ZNF563: variants seen among roughly 807,000 people sequenced by gnomAD.
The protein encoded by ZNF563 is zinc finger protein 563.
Under a neutral mutation model 48.5 loss-of-function variants are expected in ZNF563, and 39 were observed. That is an observed-to-expected ratio of 0.80 (90% CI 0.62 to 1.05). The LOEUF is 1.05. ZNF563 is among the 50% of genes least tolerant of loss of function. The pLI is 0.00. For missense variants in ZNF563, 538 were observed against 597.0 expected, an observed-to-expected ratio of 0.90 and a Z score of 1.03; for synonymous variants, 168 against 187.9, an observed-to-expected ratio of 0.89 and a Z score of 0.87.
chr19:12,322,086 C>T (rs979563520), intron 2 of ZNF563, among the ~76,000 whole-genome samples: 4 of 151,816 alleles, frequency 2.6e-5, no homozygotes, highest in Non-Finnish European at 5.9e-5. Context: ...GACAGATTCT[C>T]GCTCTGTCAC....
chr19:12,334,328 A>G (rs906264245), upstream of ZNF563, among the ~76,000 whole-genome samples: 47 of 152,212 alleles, frequency 3.1e-4, no homozygotes, highest in Admixed American at 2.5e-3. Flanking sequence ...TAGTGCAGAT[A>G]AGCAGCCTGC....
chr19:12,342,764 T>A, the ZNF563 span, among the ~76,000 whole-genome samples: 2 of 139,906 alleles, frequency 1.4e-5, no homozygotes. Flanking sequence ...TAGAGTGAGA[T>A]CATGTCTCAA....
chr19:12,344,496 A>G, the ZNF563 span, among the ~76,000 whole-genome samples: 1 of 152,228 alleles, frequency 6.6e-6, no homozygotes, highest in Admixed American at 6.5e-5. Flanking sequence ...ATACAGAAAA[A>G]TAATTTGACA....
intron 1 of ZNF563, among the ~76,000 whole-genome samples, chr19:12,324,470 C>A (rs1032771475): frequency 6.6e-6 from 1 of 152,150 alleles, no homozygotes; most frequent in Non-Finnish European, 1.5e-5. Context: ...GTAATCCCAG[C>A]ACTTTGGGTG....
chr19:12,344,664 G>T, the ZNF563 span, among the ~76,000 whole-genome samples: 3 of 152,072 alleles, frequency 2.0e-5, no homozygotes, highest in African/African-American at 7.2e-5. Context: ...AAGAAGACAG[G>T]ATGCCCACTT....
At chr19:12,338,959 T>C in the ZNF563 span, among the ~76,000 whole-genome samples, 2 of 152,180 alleles carry the variant, frequency 1.3e-5, no homozygotes, top group African/African-American at 4.8e-5. Flanking sequence ...ATTGTGGCCA[T>C]TTCAACATTC....
chr19:12,337,179 ACCCCTTACCACAAC>A (rs1568481332), upstream of ZNF563, among the ~76,000 whole-genome samples: 1 of 151,832 alleles, frequency 6.6e-6, no homozygotes, highest in African/African-American at 2.4e-5. Flanking sequence ...TATTAATGTC[ACCCCTTACCACAAC>A]AGTTAGCTTA....
At chr19:12,346,341 A>G in the ZNF563 span, 3 of 152,232 alleles carry the variant, frequency 2.0e-5, no homozygotes, top group Admixed American at 1.3e-4. Context: ...ACAAAAACCA[A>G]TGTGCATTAT....
chr19:12,318,819 A>C lies in ZNF563; in HGVS notation c.1206T>G (p.Phe402Leu). ...GTCTTTGACATACACTAGGATAAACAAAAGCTTTCCCACATATCTTGCATT... is the reference window on the plus strand; with the variant it reads ...GTCTTTGACATACACTAGGATAAACCAAAGCTTTCCCACATATCTTGCATT... ...PHKCKICGKA[F>L]VYPSVCQRHE... Residue 402 changes from phenylalanine (F) to leucine (L), a missense_variant, in exon 4 of 4, where the codon TTT becomes TTG. Physicochemically the swap from Phe to Leu is conservative, Grantham distance 22. Coordinates refer to ENST00000293725, the MANE Select transcript of ZNF563 (RefSeq NM_145276.3). 6.2e-7 allele frequency: 1 copy of C among 1,614,154 alleles called. No individual in the cohort carries two copies. Among genetic ancestry groups the C allele is most frequent in the Non-Finnish European group, 8.5e-7 (1 of 1,180,028 alleles).
At chr19:12,343,662 A>C in the ZNF563 span, among the ~76,000 whole-genome samples, 1 of 152,136 alleles carries the variant, frequency 6.6e-6, no homozygotes, top group Non-Finnish European at 1.5e-5. Context: ...AAAGGCAAGA[A>C]AAGACATTAC....
intron 2 of ZNF563, among the ~76,000 whole-genome samples, chr19:12,321,869 T>C (rs1309030207): frequency 1.8e-4 from 27 of 152,188 alleles, no homozygotes; most frequent in Admixed American, 1.8e-3. Context: ...GCCTTCTCAA[T>C]GTAAAGATAA....
chr19:12,345,195 G>A, the ZNF563 span, among the ~76,000 whole-genome samples: 1 of 152,118 alleles, frequency 6.6e-6, no homozygotes, highest in African/African-American at 2.4e-5. Context: ...GATCCCTATA[G>A]AAATCCTAAC....
intron 1 of ZNF563, among the ~76,000 whole-genome samples, chr19:12,325,259 A>G (rs1162482455): frequency 6.6e-6 from 1 of 152,178 alleles, no homozygotes; most frequent in African/African-American, 2.4e-5. Context: ...AGGCGGGCAG[A>G]TCATGAGGTT....
chr19:12,341,125 A>C, the ZNF563 span, among the ~76,000 whole-genome samples: 1 of 152,160 alleles, frequency 6.6e-6, no homozygotes, highest in Admixed American at 6.5e-5. Flanking sequence ...ATCTTGGCTC[A>C]CCGTAGCCTC....
At chr19:12,340,160 C>G in the ZNF563 span, among the ~76,000 whole-genome samples, 2 of 152,216 alleles carry the variant, frequency 1.3e-5, no homozygotes, top group East Asian at 3.9e-4. Flanking sequence ...CATGGCAAAA[C>G]CGGTCTCTAC....
chr19:12,332,849 T>C (rs185505387), intron 1 of ZNF563, among the ~76,000 whole-genome samples: 1 of 152,330 alleles, frequency 6.6e-6, no homozygotes, highest in African/African-American at 2.4e-5. Context: ...ATTTTGCTTC[T>C]TTCGCTAATA....
chr19:12,319,914 TAC>T, intron 3 of ZNF563, 81 bp from the exon 4 acceptor site: 2 of 1,345,514 alleles, frequency 1.5e-6, no homozygotes, highest in Non-Finnish European at 1.0e-6. Flanking sequence ...GTATTGGATG[TAC>T]TTTTTTTTTT....
At chr19:12,337,246 A>G (rs1453865169), upstream of ZNF563, among the ~76,000 whole-genome samples, 1 of 151,998 alleles carries the variant, frequency 6.6e-6, no homozygotes, top group Non-Finnish European at 1.5e-5. Context: ...TCCATCACCT[A>G]CACTGGAATG....
In ZNF563 at chr19:12,318,511, T is replaced by G. The variant is rs1283884092; in HGVS notation, c.*83A>C. On this transcript the variant is annotated 3_prime_UTR_variant, in exon 4 of 4. Transcript: ENST00000293725. ...TATGAAAGGCTTTCCCACATTTACA[T>G]TTATAGGGTTTCTGTCCAGTGTAAG... The G allele has an allele frequency of 2.1e-6, 3 of 1,414,998 alleles. No homozygotes were observed. Among genetic ancestry groups the G allele is most frequent in the Non-Finnish European group, 2.9e-6 (3 of 1,040,650 alleles). 87.7% of individuals were successfully genotyped at this position (1,414,998 alleles called of 1,614,324 possible).
Sources: allele counts gnomAD v4.1 joint callset (sites outside exome capture counted in the v4.1 genomes callset), GRCh38; gene constraint gnomAD v4.1.1; transcripts MANE v1.5; gene names NCBI Gene and HGNC (gene_info 2026-07-23, HGNC 2026-07-21).